Variants in OCM observed in about 807,000 individuals in gnomAD.
The protein encoded by OCM is oncomodulin-1.
In OCM, 18 loss-of-function variants were observed where a neutral mutation model predicts 14.1. The observed-to-expected ratio is 1.28, with a 90% confidence interval of 0.88 to 1.89. The LOEUF is 1.89. Ranked by LOEUF, OCM falls within the 40% of genes most tolerant of loss-of-function variation. The pLI is 0.00. For missense variants in OCM, 140 were observed against 137.6 expected (o/e 1.02, Z -0.09); for synonymous variants, 48 against 51.0 (o/e 0.94, Z 0.25).
the OCM span, among the ~76,000 whole-genome samples, chr7:5,872,210 T>A: frequency 2.5e-4 from 38 of 152,302 alleles, no homozygotes; most frequent in South Asian, 7.5e-3. Flanking sequence ...GGTCAGCTCT[T>A]ATAGACGGGG....
chr7:5,871,748 T>C, the OCM span: 1 of 152,232 alleles, frequency 6.6e-6, no homozygotes, highest in Non-Finnish European at 1.5e-5. Context: ...TTTCTTTTTT[T>C]TTTTAGGGGT....
Position 5,882,598 on chromosome 7 carries a change from G to T in OCM, c.167G>T (p.Ser56Ile), listed in dbSNP as rs41280702. 4,375 of 1,614,080 alleles carry T rather than the reference G, an allele frequency of 2.7e-3. 13 individuals are homozygous for T. The highest frequency in any genetic ancestry group is 3.7e-3 in the South Asian group (338 of 91,074). The change falls in exon 2 of 4, where the codon AGC becomes ATC. Residue 56 changes from serine (S) to isoleucine (I), a missense_variant. Ser to Ile is a moderately radical substitution (Grantham distance 142). Coordinates refer to ENST00000242104, the MANE Select transcript of OCM (RefSeq NM_001097622.2). The part of the protein sequence containing the change: ...DVFRFIDNDQ[S>I]GYLDEEELKF... Reference sequence around the variant, plus strand: ...TTCCGGTTCATAGACAACGACCAGAGCGGGTACCTGGATGAAGAAGAGCTT... The same window carrying T: ...TTCCGGTTCATAGACAACGACCAGATCGGGTACCTGGATGAAGAAGAGCTT...
chr7:5,884,028 A>G (rs1781282597), intron 3 of OCM, 29 bp downstream of exon 3: 1 of 1,608,046 alleles, frequency 6.2e-7, no homozygotes, highest in African/African-American at 1.3e-5. Context: ...GTAGCATAAA[A>G]CACTCTAGCT....
the OCM span, among the ~76,000 whole-genome samples, chr7:5,868,638 C>T: frequency 6.6e-6 from 1 of 152,098 alleles, no homozygotes; most frequent in Non-Finnish European, 1.5e-5. Context: ...ATTGTCCTCT[C>T]CTGCAGCATT....
At chr7:5,862,573 G>A in the OCM span, among the ~76,000 whole-genome samples, 1 of 152,180 alleles carries the variant, frequency 6.6e-6, no homozygotes, top group African/African-American at 2.4e-5. Context: ...AATGCAGCAT[G>A]GCCCTATTCC....
At chr7:5,869,957 C>T in the OCM span, among the ~76,000 whole-genome samples, 269 of 152,306 alleles carry the variant, frequency 1.8e-3, no homozygotes, top group African/African-American at 6.1e-3. Flanking sequence ...CGGTTAAATA[C>T]AGTATGTTTG....
At chr7:5,882,243 GAA>G (rs1166237242) in intron 1 of OCM, among the ~76,000 whole-genome samples, 1 of 151,936 alleles carries the variant, frequency 6.6e-6, no homozygotes, top group African/African-American at 2.4e-5. Context: ...GGGAGGCACA[GAA>G]GAGATGAGGA....
At chr7:5,874,323 G>C in the OCM span, among the ~76,000 whole-genome samples, 5 of 143,650 alleles carry the variant, frequency 3.5e-5, no homozygotes, top group African/African-American at 1.3e-4. Context: ...AAATAATGAA[G>C]ACTACTGAAT....
At chr7:5,867,118 A>G in the OCM span, among the ~76,000 whole-genome samples, 1 of 152,104 alleles carries the variant, frequency 6.6e-6, no homozygotes, top group Non-Finnish European at 1.5e-5. Context: ...TCCATCCACA[A>G]TAGTTTGTTT....
the OCM span, among the ~76,000 whole-genome samples, chr7:5,866,472 GAAGA>G: frequency 6.9e-6 from 1 of 145,860 alleles, no homozygotes; most frequent in Admixed American, 6.9e-5. Context: ...AGGGAGGGAA[GAAGA>G]AAGAAAAGGA....
the OCM span, among the ~76,000 whole-genome samples, chr7:5,868,245 C>T: frequency 1.3e-5 from 2 of 152,094 alleles, no homozygotes; most frequent in African/African-American, 4.8e-5. Context: ...CACCTGGGCT[C>T]AAGCGATTCT....
upstream of OCM, among the ~76,000 whole-genome samples, chr7:5,876,378 T>G (rs1341882994): frequency 6.6e-6 from 1 of 152,178 alleles, no homozygotes; most frequent in Non-Finnish European, 1.5e-5. Context: ...CTTAAACTCC[T>G]GGGCTCAAGC....
upstream of OCM, among the ~76,000 whole-genome samples, chr7:5,878,962 C>G (rs1175641715): frequency 2.0e-5 from 3 of 147,062 alleles, no homozygotes; most frequent in African/African-American, 2.5e-5. Context: ...GGGAGAATTA[C>G]TTGAGCCCAG....
At chr7:5,860,424 C>A in the OCM span, among the ~76,000 whole-genome samples, 13 of 135,906 alleles carry the variant, frequency 9.6e-5, no homozygotes, top group Non-Finnish European at 1.9e-4. Context: ...ATATATATTA[C>A]GTATATATGC....
chr7:5,884,963 A>G (rs1346286796), intron 3 of OCM, among the ~76,000 whole-genome samples: 6 of 152,016 alleles, frequency 3.9e-5, no homozygotes, highest in African/African-American at 1.2e-4. Context: ...TATTGAAAAT[A>G]TAAAAAATTA....
At chr7:5,862,857 A>C in the OCM span, among the ~76,000 whole-genome samples, 1 of 152,008 alleles carries the variant, frequency 6.6e-6, no homozygotes, top group Non-Finnish European at 1.5e-5. Context: ...ATGTGGATTT[A>C]CTGAGCTCAA....
At chr7:5,873,610 G>A in the OCM span, among the ~76,000 whole-genome samples, 1 of 152,064 alleles carries the variant, frequency 6.6e-6, no homozygotes, top group African/African-American at 2.4e-5. Context: ...CTCCCAGAAT[G>A]TTGGGATTAC....
chr7:5,885,286 A>G (rs1188234034), intron 3 of OCM, among the ~76,000 whole-genome samples: 2 of 152,140 alleles, frequency 1.3e-5, no homozygotes, highest in Admixed American at 1.3e-4. Context: ...GTTTGGTTCA[A>G]TGGAGGAAAG....
the OCM span, among the ~76,000 whole-genome samples, chr7:5,870,592 T>C: frequency 6.6e-6 from 1 of 152,232 alleles, no homozygotes; most frequent in African/African-American, 2.4e-5. Flanking sequence ...ATCTGAAGGC[T>C]GGTACATTCT....
Sources: allele counts gnomAD v4.1 joint callset (sites outside exome capture counted in the v4.1 genomes callset), GRCh38; gene constraint gnomAD v4.1.1; transcripts MANE v1.5; gene names NCBI Gene and HGNC (gene_info 2026-07-23, HGNC 2026-07-21).